Variants in ZNF407 observed in about 807,000 individuals in gnomAD.
ZNF407 encodes zinc finger protein 407.
A neutral mutation model predicts 131.2 loss-of-function variants in ZNF407; 17 were observed. That is an observed-to-expected ratio of 0.13 (90% CI 0.09 to 0.19). The LOEUF (loss-of-function observed/expected upper bound fraction) is 0.19. ZNF407 is among the 10% of genes least tolerant of loss of function. The pLI is 1.00. For synonymous variants in ZNF407, 1,156 were observed against 1,062.0 expected, an observed-to-expected ratio of 1.09 and a Z score of -1.72; for missense variants, 2,681 against 2,830.6, an observed-to-expected ratio of 0.95 and a Z score of 1.20.
chr18:74,977,331 C>T (rs1972539440), intron 8 of ZNF407, among the ~76,000 whole-genome samples: 1 of 152,252 alleles, frequency 6.6e-6, no homozygotes, highest in Non-Finnish European at 1.5e-5. Context: ...ATCAGCGAAG[C>T]TGTGCCTGCC....
At chr18:74,898,833 A>G (rs949255965) in intron 7 of ZNF407, among the ~76,000 whole-genome samples, 5 of 152,230 alleles carry the variant, frequency 3.3e-5, no homozygotes, top group African/African-American at 1.2e-4. Context: ...TAAATTTCAA[A>G]TTTTGTGCTT....
At chr18:74,717,313 A>G (rs1967917954) in intron 3 of ZNF407, among the ~76,000 whole-genome samples, 1 of 152,226 alleles carries the variant, frequency 6.6e-6, no homozygotes, top group South Asian at 2.1e-4. Flanking sequence ...TCATAAGTCA[A>G]GATTGTACTC....
At chr18:74,972,840 C>T (rs976939011) in intron 8 of ZNF407, among the ~76,000 whole-genome samples, 3 of 152,136 alleles carry the variant, frequency 2.0e-5, no homozygotes, top group African/African-American at 4.8e-5. Context: ...TCATTATATT[C>T]TAAATGAGCT....
rs573913832 is a variant in ZNF407, at chr18:74,667,905, A to AT, written c.4802+26793dup. Among the ~76,000 whole-genome samples the AT allele has an allele frequency of 9.3e-3, 1,397 of 150,366 alleles. 9 individuals carry two copies. The highest frequency in any genetic ancestry group is 0.034 in the Middle Eastern group (10 of 292). On this transcript the variant is annotated intron_variant, in intron 3 of 8. Coordinates refer to ENST00000299687, the MANE Select transcript of ZNF407 (RefSeq NM_017757.3). ...TGGTTTAAGTGCTCTAAACTGAAAG[A>AT]TTTTTTTTTTACCTTGAATGTGTTA...
chr18:74,794,844 T>C (rs951493614), intron 4 of ZNF407, among the ~76,000 whole-genome samples: 1 of 152,188 alleles, frequency 6.6e-6, no homozygotes, highest in African/African-American at 2.4e-5. Context: ...GCACTTTGAA[T>C]TTTAGTAATT....
At chr18:74,983,935 G>T (rs1208497261) in intron 8 of ZNF407, among the ~76,000 whole-genome samples, 1 of 152,184 alleles carries the variant, frequency 6.6e-6, no homozygotes, top group South Asian at 2.1e-4. Context: ...GAACTGGCAG[G>T]TCTATCTCAT....
At chr18:74,729,527 C>T (rs767748377) in intron 3 of ZNF407, among the ~76,000 whole-genome samples, 1 of 151,420 alleles carries the variant, frequency 6.6e-6, no homozygotes, top group Non-Finnish European at 1.5e-5. Flanking sequence ...CTTGCATGTT[C>T]GTTGGTTCCC....
At chr18:74,842,608 GT>G (rs1970649588) in intron 4 of ZNF407, among the ~76,000 whole-genome samples, 1 of 151,816 alleles carries the variant, frequency 6.6e-6, no homozygotes, top group East Asian at 1.9e-4. Flanking sequence ...TGATGTGTGT[GT>G]GTGTGTGTGT....
chr18:74,980,076 C>G (rs908273893), intron 8 of ZNF407, among the ~76,000 whole-genome samples: 1 of 151,364 alleles, frequency 6.6e-6, no homozygotes. Flanking sequence ...CGTGTTCTTG[C>G]GTAAAAGCTG....
At chr18:74,994,663 G>C (rs1972758552) in intron 8 of ZNF407, among the ~76,000 whole-genome samples, 1 of 152,190 alleles carries the variant, frequency 6.6e-6, no homozygotes, top group Non-Finnish European at 1.5e-5. Flanking sequence ...AAACGGTAGG[G>C]AGTATTACAG....
chr18:74,670,974 C>T (rs1286490154), intron 3 of ZNF407, among the ~76,000 whole-genome samples: 1 of 152,186 alleles, frequency 6.6e-6, no homozygotes, highest in African/African-American at 2.4e-5. Context: ...CCCATCTTGA[C>T]CATTTTTGAG....
At chr18:74,840,349 C>T (rs1216442040) in intron 4 of ZNF407, among the ~76,000 whole-genome samples, 1 of 152,026 alleles carries the variant, frequency 6.6e-6, no homozygotes, top group Non-Finnish European at 1.5e-5. Context: ...CAAGAACTCT[C>T]AAGTTGGTGA....
At chr18:74,927,806 C>T (rs1971933237) in intron 8 of ZNF407, among the ~76,000 whole-genome samples, 1 of 149,618 alleles carries the variant, frequency 6.7e-6, no homozygotes, top group African/African-American at 2.4e-5. Context: ...GATAATGAAT[C>T]TCATAACAAC....
In ZNF407 at chr18:74,634,349, A is replaced by G; in HGVS notation, c.3330A>G (p.Ile1110Met). 2 of 1,613,920 alleles carry G rather than the reference A, an allele frequency of 1.2e-6. No homozygotes were observed. The highest frequency in any genetic ancestry group is 1.7e-6 in the Non-Finnish European group (2 of 1,179,880). The change falls in exon 2 of 9, where the codon ATA (isoleucine) becomes ATG (methionine). Residue 1110 changes from isoleucine (I) to methionine (M), a missense_variant. Physicochemically the swap from Ile to Met is conservative, Grantham distance 10 (BLOSUM62 1). Coordinates refer to ENST00000299687, the MANE Select transcript of ZNF407 (RefSeq NM_017757.3). ...EHQQNSEEFQ[I>M]ISGQPSDTLK... is the part of the protein sequence containing the mutation. ...AACAAAATTCTGAGGAATTTCAAAT[A>G]ATTTCAGGTCAACCATCTGATACTC... is the stretch of plus-strand genomic sequence containing the variant.
chr18:75,035,625 T>G (rs1010207363), intron 8 of ZNF407, among the ~76,000 whole-genome samples: 1 of 152,220 alleles, frequency 6.6e-6, no homozygotes, highest in African/African-American at 2.4e-5. Flanking sequence ...TTTTTAAAGG[T>G]GAGAAACTGC....
intron 8 of ZNF407, among the ~76,000 whole-genome samples, chr18:75,024,268 T>G (rs912583719): frequency 2.6e-5 from 4 of 152,192 alleles, no homozygotes; most frequent in African/African-American, 9.7e-5. Context: ...GAGGGAGAAT[T>G]CTGTTAGGAC....
intron 8 of ZNF407, among the ~76,000 whole-genome samples, chr18:74,965,833 T>G (rs900682342): frequency 1.3e-5 from 2 of 152,224 alleles, no homozygotes; most frequent in Non-Finnish European, 2.9e-5. Context: ...TTGCTTGCCT[T>G]TTGAATATAA....
chr18:74,983,663 C>G (rs976867201), intron 8 of ZNF407, among the ~76,000 whole-genome samples: 1 of 152,140 alleles, frequency 6.6e-6, no homozygotes. Context: ...ACAAACATAG[C>G]AATTAGAAGG....
chr18:74,930,206 G>T (rs1245084985), intron 8 of ZNF407, among the ~76,000 whole-genome samples: 1 of 152,124 alleles, frequency 6.6e-6, no homozygotes, highest in East Asian at 1.9e-4. Flanking sequence ...ACATGGATTT[G>T]TTATTTTGTA....
Sources: gnomAD v4.1 joint callset for allele counts (sites outside exome capture counted in the v4.1 genomes callset) on GRCh38, gnomAD v4.1.1 for gene constraint, MANE v1.5 for transcripts, NCBI Gene and HGNC (gene_info 2026-07-23, HGNC 2026-07-21) for gene names.